The following PLIN3 variants were observed in gnomAD, a reference collection of about 807,000 sequenced individuals.
The protein encoded by PLIN3 is perilipin 3.
Under a neutral mutation model 35.9 loss-of-function variants are expected in PLIN3, and 30 were observed. The ratio of observed to expected loss-of-function variants is 0.84; its 90% CI spans 0.62 to 1.13. The LOEUF (loss-of-function observed/expected upper bound fraction) is 1.13, where lower values mean the gene tolerates loss of function less well. PLIN3 is among the 50% of genes most tolerant of loss of function. The pLI, the probability that PLIN3 is intolerant of heterozygous loss-of-function variation, is 0.00. For synonymous variants in PLIN3, 261 were observed against 262.5 expected (o/e 0.99, Z 0.06); for missense variants, 603 against 596.9 (o/e 1.01, Z -0.11).
intron 7 of PLIN3, among the ~76,000 whole-genome samples, chr19:4,841,179 A>G (rs187788453): frequency 1.8e-4 from 28 of 152,332 alleles, no homozygotes; most frequent in Non-Finnish European, 2.5e-4. Flanking sequence ...AGACATGCAC[A>G]CAGGGGCACA....
chr19:4,859,961 C>A lies in PLIN3; in HGVS notation c.130G>T (p.Ala44Ser), dbSNP rs747197504. Residue 44 changes from alanine to serine, a missense_variant, in exon 3 of 8, where the codon GCA (alanine) becomes TCA (serine). By Grantham distance (99) the Ala-to-Ser change is moderately conservative (BLOSUM62 1). Coordinates refer to ENST00000221957, the MANE Select transcript of PLIN3 (RefSeq NM_005817.5). The stretch of plus-strand genomic sequence containing the variant: ...CTCTCCTTGGTGGAGGCATAGGCTG[C>A]GGACACCATGTCGCAGGTGGAGCTG... ...LISSTCDMVS[A>S]AYASTKESYP... 3 of 1,614,062 alleles carry A rather than the reference C, an allele frequency of 1.9e-6. No homozygotes were observed. Among genetic ancestry groups the A allele is most frequent in the South Asian group, 1.1e-5 (1 of 91,080 alleles).
chr19:4,852,866 G>A (rs186377981), intron 4 of PLIN3, among the ~76,000 whole-genome samples: 2 of 152,208 alleles, frequency 1.3e-5, no homozygotes, highest in South Asian at 2.1e-4. Flanking sequence ...CCAGGCTGGA[G>A]TGCAATTGTG....
chr19:4,861,832 A>C (rs779636827), intron 1 of PLIN3, among the ~76,000 whole-genome samples: 47 of 150,498 alleles, frequency 3.1e-4, no homozygotes, highest in Non-Finnish European at 6.2e-4. Flanking sequence ...ACGGGGTTTC[A>C]CCATATTGGC....
chr19:4,850,802 T>A (rs1272239396), intron 5 of PLIN3, among the ~76,000 whole-genome samples: 1 of 151,104 alleles, frequency 6.6e-6, no homozygotes, highest in East Asian at 2.0e-4. Flanking sequence ...AACTCTTGAC[T>A]TCAGGTGATC....
At chr19:4,858,711 T>TC (rs1568379734) in intron 4 of PLIN3, among the ~76,000 whole-genome samples, 5 of 124,976 alleles carry the variant, frequency 4.0e-5, no homozygotes. Flanking sequence ...GTTTTTTTTT[T>TC]TTTTTTTGAG....
intron 5 of PLIN3, among the ~76,000 whole-genome samples, chr19:4,849,734 C>T (rs2030224451): frequency 1.3e-5 from 2 of 151,714 alleles, no homozygotes; most frequent in African/African-American, 4.8e-5. Flanking sequence ...CTCACTGCAA[C>T]CTCCGCCTCC....
At position 4,838,943 on chromosome 19, in the gene PLIN3, T is replaced by C. The variant is rs1459590029; in HGVS notation, c.*249A>G. 2.8e-6 allele frequency: 1 copy of C among 362,028 alleles called. No individual in the cohort carries two copies. The highest frequency in any genetic ancestry group is 2.1e-5 in the African/African-American group (1 of 48,110). The allele number at this position is 362,028 out of a possible 1,614,324, so 22.4% of individuals were successfully genotyped here. A position where few individuals can be genotyped will look rare whatever the true frequency, so the allele number is the denominator to read the frequency against. The stretch of plus-strand genomic sequence containing the variant: ...AGGGGAGAACTTTCCTGAAAGATAT[T>C]TTTTCTGGACATCTCTCTCTACTGA... On this transcript the variant is annotated 3_prime_UTR_variant, in exon 8 of 8. Transcript: ENST00000221957.
intron 1 of PLIN3, among the ~76,000 whole-genome samples, chr19:4,861,675 G>A (rs186852962): frequency 1.3e-5 from 2 of 150,814 alleles, no homozygotes; most frequent in East Asian, 2.0e-4. Context: ...TCACTCTGTC[G>A]CCCAGGATGG....
intron 5 of PLIN3, among the ~76,000 whole-genome samples, chr19:4,849,983 T>C (rs1471317573): frequency 6.6e-6 from 1 of 151,884 alleles, no homozygotes; most frequent in Non-Finnish European, 1.5e-5. Flanking sequence ...TTCACTCTTG[T>C]TGCCTGGGCT....
chr19:4,865,592 T>C (rs2030819732), intron 1 of PLIN3, among the ~76,000 whole-genome samples: 1 of 152,144 alleles, frequency 6.6e-6, no homozygotes, highest in African/African-American at 2.4e-5. Context: ...AGTCTGAGCA[T>C]CTTTTCCCAG....
chr19:4,864,213 C>T (rs1416689475), intron 1 of PLIN3, among the ~76,000 whole-genome samples: 8 of 148,296 alleles, frequency 5.4e-5, no homozygotes, highest in East Asian at 2.0e-4. Context: ...GGTGCAGTGG[C>T]GTGATTTCGG....
chr19:4,843,839 GATAA>G (rs1306559310), intron 7 of PLIN3, among the ~76,000 whole-genome samples: 1 of 152,132 alleles, frequency 6.6e-6, no homozygotes, highest in Non-Finnish European at 1.5e-5. Context: ...CTGTCTCAAA[GATAA>G]ATAAACAACT....
intron 7 of PLIN3, among the ~76,000 whole-genome samples, chr19:4,841,915 A>AG (rs1483731099): frequency 1.3e-5 from 1 of 77,192 alleles, no homozygotes; most frequent in African/African-American, 6.9e-5. Flanking sequence ...AAAAAAAAAA[A>AG]AAAAAAAAAA....
intron 5 of PLIN3, 40 bp downstream of exon 5, chr19:4,851,976 C>G: frequency 6.3e-7 from 1 of 1,587,968 alleles, no homozygotes; most frequent in Non-Finnish European, 8.6e-7. Flanking sequence ...GTCAGGGGGC[C>G]TGGGGAGGGG....
intron 1 of PLIN3, among the ~76,000 whole-genome samples, chr19:4,862,847 G>C (rs1265942200): frequency 6.6e-6 from 1 of 152,106 alleles, no homozygotes; most frequent in African/African-American, 2.4e-5. Context: ...TGGATGCCCA[G>C]CAAAAGGGGA....
At chr19:4,839,965 CTTTT>C (rs1212445249) in intron 7 of PLIN3, among the ~76,000 whole-genome samples, 1 of 124,408 alleles carries the variant, frequency 8.0e-6, no homozygotes, top group Non-Finnish European at 1.7e-5. Context: ...GTGCCCGGCC[CTTTT>C]TTTTTTTTTT....
At chr19:4,846,979 G>A (rs1335895319) in intron 6 of PLIN3, among the ~76,000 whole-genome samples, 3 of 148,620 alleles carry the variant, frequency 2.0e-5, no homozygotes, top group Non-Finnish European at 4.4e-5. Context: ...AATCTCTGCC[G>A]CCCGGGTTCA....
chr19:4,859,607 G>A lies in PLIN3; in HGVS notation c.331C>T (p.Gln111Ter), dbSNP rs763017855. Residue 111 changes from glutamine (Q) to a stop codon, truncating the protein, a stop_gained, in exon 4 of 8, where the codon CAG becomes TAG. Coordinates refer to ENST00000221957, the MANE Select transcript of PLIN3 (RefSeq NM_005817.5). LOFTEE classifies it high-confidence loss of function. ...DKLEENLPIL[Q>*]QPTEKVLADT... ...ATCGTTACCTTCTCCGTGGGCTGCT[G>A]CAGGATGGGGAGGTTCTCCTCCAAC... is the stretch of plus-strand genomic sequence containing the variant. 43 of 1,613,986 alleles carry A rather than the reference G, an allele frequency of 2.7e-5. No homozygotes were observed. Among genetic ancestry groups the A allele is most frequent in the Non-Finnish European group, 3.4e-5 (40 of 1,179,958 alleles).
chr19:4,841,904 CAAAAAAAAAAAAAAAAAAAAAA>C (rs1359060452), intron 7 of PLIN3, among the ~76,000 whole-genome samples: 1 of 38,644 alleles, frequency 2.6e-5, no homozygotes, highest in African/African-American at 6.7e-5. Context: ...GACTCCATCT[CAAAAAAAAAAAAAAAAAAAAAA>C]GAAAAAAAAA....
Sources: allele counts gnomAD v4.1 joint callset (sites outside exome capture counted in the v4.1 genomes callset), GRCh38; gene constraint gnomAD v4.1.1; transcripts MANE v1.5; gene names NCBI Gene and HGNC (gene_info 2026-07-23, HGNC 2026-07-21).